The following MS4A4E variants were observed in gnomAD, a reference collection of about 807,000 sequenced individuals.
MS4A4E encodes the protein putative membrane-spanning 4-domains subfamily A member 4E.
Under a neutral mutation model 13.3 loss-of-function variants are expected in MS4A4E, and 23 were observed. That is an observed-to-expected ratio of 1.73 (90% confidence interval 1.25 to 2.45). The LOEUF (loss-of-function observed/expected upper bound fraction) is 2.45. Among genes scored for constraint, MS4A4E ranks in the 30% most tolerant of loss-of-function variants. The pLI is 0.00. For synonymous variants in MS4A4E, 36 were observed against 45.6 expected (o/e 0.79, Z 0.85); for missense variants, 144 against 131.2 (o/e 1.10, Z -0.48).
At chr11:60,224,996 T>C (rs1344578059) in intron 3 of MS4A4E, 1 of 1,538,128 alleles carries the variant, frequency 6.5e-7, no homozygotes, top group Non-Finnish European at 8.7e-7. Flanking sequence ...GTACGCAACA[T>C]ACACAAAAAT....
chr11:60,233,064 A>C (rs1282182444), intron 1 of MS4A4E, among the ~76,000 whole-genome samples: 2 of 152,096 alleles, frequency 1.3e-5, no homozygotes, highest in African/African-American at 2.4e-5. Context: ...TGTCCCCTGG[A>C]GTCCAAGCTT....
chr11:60,238,664 C>T (rs887170436), intron 1 of MS4A4E, among the ~76,000 whole-genome samples: 6 of 152,116 alleles, frequency 3.9e-5, no homozygotes, highest in African/African-American at 1.4e-4. Context: ...CTATTATTTT[C>T]ACTCTAGTCT....
In MS4A4E at chr11:60,228,544, C is replaced by T. The variant is rs903122686; in HGVS notation, c.178+50G>A. The T allele has an allele frequency of 4.4e-5, 28 of 639,170 alleles. No individual in the cohort carries two copies. The Admixed American group carries it at 6.5e-4, about 15-fold the overall frequency. 39.6% of individuals were successfully genotyped at this position (639,170 alleles called of 1,614,324 possible). A position where few individuals can be genotyped will look rare whatever the true frequency, so the allele number is the denominator to read the frequency against. On this transcript the variant is annotated intron_variant, in intron 3 of 8. Transcript: ENST00000651255. The stretch of plus-strand genomic sequence containing the variant: ...AACAGGGAAGACAGTTTGGCAGTTT[C>T]TTACAAAACTAAACATACTCTTACA...
At chr11:60,204,738 C>T (rs1247911466) in intron 8 of MS4A4E, among the ~76,000 whole-genome samples, 152 bp downstream of exon 8, 3 of 152,158 alleles carry the variant, frequency 2.0e-5, no homozygotes, top group Non-Finnish European at 4.4e-5. Flanking sequence ...TACAGACACA[C>T]ACGTATGCCA....
rs2084021405 is a variant in MS4A4E at position 60,204,940 on chromosome 11, A to T, written c.609T>A (p.Tyr203Ter). Among the ~76,000 whole-genome samples the T allele has an allele frequency of 6.6e-6, 1 of 152,174 alleles. No homozygotes were observed. Among genetic ancestry groups the T allele is most frequent in the Non-Finnish European group, 1.5e-5 (1 of 68,032 alleles). The stretch of plus-strand genomic sequence containing the variant: ...GAATGTCATAATAGACTTTTTCCAG[A>T]TACTGTCCATCTCCGGAGCTGGAGA... Reference protein sequence around the residue: ...STVWCSGDGQYLEKVYYDILS... With the variant: ...STVWCSGDGQ The change falls in exon 8 of 9, where the codon TAT becomes TAA. Residue 203 changes from tyrosine (Y) to a stop codon, truncating the protein, a stop_gained. Transcript: ENST00000651255. LOFTEE classifies it high-confidence loss of function.
intron 6 of MS4A4E, 27 bp downstream of exon 6, chr11:60,208,566 T>C: frequency 1.2e-6 from 1 of 841,058 alleles, no homozygotes; most frequent in Non-Finnish European, 1.9e-6. Context: ...GTAATACAGA[T>C]ACCTTCAAAT....
intron 3 of MS4A4E, among the ~76,000 whole-genome samples, chr11:60,225,251 G>A (rs1455163153): frequency 6.6e-6 from 1 of 152,022 alleles, no homozygotes; most frequent in Non-Finnish European, 1.5e-5. Flanking sequence ...AAAGAACCAT[G>A]AATATTATCT....
At chr11:60,222,428 T>G (rs1241549894) in intron 3 of MS4A4E, among the ~76,000 whole-genome samples, 1 of 152,210 alleles carries the variant, frequency 6.6e-6, no homozygotes, top group African/African-American at 2.4e-5. Flanking sequence ...GATAGAATGG[T>G]GGAATGTCCT....
chr11:60,230,942 T>C (rs913785954), intron 1 of MS4A4E, among the ~76,000 whole-genome samples: 9 of 152,026 alleles, frequency 5.9e-5, no homozygotes, highest in Admixed American at 5.2e-4. Context: ...TGCTAAAAAC[T>C]GTCAGGTTTG....
chr11:60,217,966 C>A (rs539336095), intron 3 of MS4A4E, among the ~76,000 whole-genome samples: 1 of 152,096 alleles, frequency 6.6e-6, no homozygotes, highest in Non-Finnish European at 1.5e-5. Flanking sequence ...ACCGGTGAGC[C>A]GGGCAGAACA....
intron 1 of MS4A4E, among the ~76,000 whole-genome samples, chr11:60,231,362 TAA>T (rs2084409640): frequency 6.6e-6 from 1 of 151,992 alleles, no homozygotes; most frequent in African/African-American, 2.4e-5. Flanking sequence ...TTGAAGTAGT[TAA>T]GATAAGGACT....
rs2084080369 is a variant in MS4A4E at position 60,208,703 on chromosome 11, A to G, written c.382-9T>C. ...ACCATGCCATCCGTACCCTAGGAGA[A>G]AACTCATAACAAGGGAATGTGAGAA... is the stretch of plus-strand genomic sequence containing the variant. On this transcript the variant is annotated splice_polypyrimidine_tract_variant and intron_variant, in intron 5 of 8. Transcript: ENST00000651255. The G allele has an allele frequency of 3.4e-6, 4 of 1,161,092 alleles. No individual in the cohort carries two copies. In the East Asian group the frequency reaches 7.3e-5, roughly 21 times the overall value. The allele number at this position is 1,161,092 out of a possible 1,614,324, so 71.9% of individuals were successfully genotyped here.
intron 3 of MS4A4E, among the ~76,000 whole-genome samples, chr11:60,215,577 G>A (rs1405457116): frequency 6.6e-6 from 1 of 151,490 alleles, no homozygotes; most frequent in African/African-American, 2.4e-5. Context: ...TAACAAGATA[G>A]GACATCTGTC....
At chr11:60,230,833 T>A (rs922731648) in intron 1 of MS4A4E, among the ~76,000 whole-genome samples, 2 of 152,218 alleles carry the variant, frequency 1.3e-5, no homozygotes, top group African/African-American at 4.8e-5. Flanking sequence ...TGTATTTGAA[T>A]TGATATTCAG....
At chr11:60,204,225 A>G (rs1412691672) in intron 8 of MS4A4E, among the ~76,000 whole-genome samples, 1 of 152,222 alleles carries the variant, frequency 6.6e-6, no homozygotes, top group Non-Finnish European at 1.5e-5. Context: ...ATTATGAGTT[A>G]GAGAGGAAGC....
rs570202229 is a variant in MS4A4E, at chr11:60,227,322, C to T, written c.178+1272G>A. On this transcript the variant is annotated intron_variant, in intron 3 of 8. Transcript: ENST00000651255. Reference sequence around the variant, plus strand: ...ATCCCAGCACTTTGGGAGGCCGAAGCGGGCGGATCACGAGGTCAGGAGATT... The same window carrying T: ...ATCCCAGCACTTTGGGAGGCCGAAGTGGGCGGATCACGAGGTCAGGAGATT... Among the ~76,000 whole-genome samples, 44 of 152,118 alleles carry T rather than the reference C, an allele frequency of 2.9e-4. No homozygotes were observed. In the South Asian group the frequency reaches 6.2e-3, roughly 22 times the overall value.
chr11:60,200,816 A>G lies in MS4A4E; in HGVS notation c.*727T>C, dbSNP rs1224989677. On this transcript the variant is annotated 3_prime_UTR_variant, in exon 9 of 9. Transcript: ENST00000651255. ...CAATGAGCTATTGGGTACACTTCCC[A>G]GATGGGGTGGTGGCCGGGCAGAGGG... Among the ~76,000 whole-genome samples, 1 of 152,208 alleles carries G rather than the reference A, an allele frequency of 6.6e-6. No individual in the cohort carries two copies. Among genetic ancestry groups the G allele is most frequent in the Non-Finnish European group, 1.5e-5 (1 of 68,040 alleles).
chr11:60,214,225 AT>A (rs1317238199), intron 4 of MS4A4E, among the ~76,000 whole-genome samples: 1 of 152,030 alleles, frequency 6.6e-6, no homozygotes, highest in Non-Finnish European at 1.5e-5. Context: ...CTTTTAATCA[AT>A]TGGTCAATAA....
intron 3 of MS4A4E, among the ~76,000 whole-genome samples, chr11:60,224,472 A>C (rs1590719795): frequency 6.6e-6 from 1 of 152,112 alleles, no homozygotes; most frequent in Non-Finnish European, 1.5e-5. Flanking sequence ...TCCCAGCTAC[A>C]GAGGTAAATC....
Sources: gnomAD v4.1 joint callset for allele counts (sites outside exome capture counted in the v4.1 genomes callset) on GRCh38, gnomAD v4.1.1 for gene constraint, MANE v1.5 for transcripts, NCBI Gene and HGNC (gene_info 2026-07-23, HGNC 2026-07-21) for gene names.